Variants in ANKS1B observed in about 807,000 individuals in gnomAD.
ANKS1B encodes ankyrin repeat and sterile alpha motif domain containing 1B, also known as ankyrin repeat and sterile alpha motif domain-containing protein 1B.
In ANKS1B, 36 loss-of-function variants were observed where a neutral mutation model predicts 148.3. The ratio of observed to expected loss-of-function variants is 0.24; its 90% CI spans 0.19 to 0.32. ANKS1B has a LOEUF of 0.32. Among genes scored for constraint, ANKS1B ranks in the 10% least tolerant of loss-of-function variants. ANKS1B has a pLI of 1.00. For missense variants in ANKS1B, 1,157 were observed against 1,542.6 expected (o/e 0.75, Z 4.19); for synonymous variants, 542 against 560.8 (o/e 0.97, Z 0.47).
intron 17 of ANKS1B, among the ~76,000 whole-genome samples, chr12:98,844,562 AGACCAG>A (rs1174774101): frequency 6.6e-6 from 1 of 152,238 alleles, no homozygotes; most frequent in Non-Finnish European, 1.5e-5. Context: ...TGAGGTTGAC[AGACCAG>A]GAGAATGTCA....
At chr12:98,830,923 T>C (rs1961674) in intron 18 of ANKS1B, 11,337 of 145,518 alleles carry the variant, frequency 0.078, 518 homozygotes, top group Non-Finnish European at 0.1. Flanking sequence ...AGGTTCTCTT[T>C]AGTTTCCTAC....
chr12:98,837,782 A>C (rs1269305951), intron 17 of ANKS1B, among the ~76,000 whole-genome samples: 1 of 152,318 alleles, frequency 6.6e-6, no homozygotes, highest in South Asian at 2.1e-4. Flanking sequence ...ATATAAAATT[A>C]AACATGTTTA....
intron 1 of ANKS1B, among the ~76,000 whole-genome samples, chr12:99,920,866 G>A (rs2153797687): frequency 6.6e-6 from 1 of 152,230 alleles, no homozygotes; most frequent in East Asian, 1.9e-4. Context: ...CATGGGTGAG[G>A]ACAATCTTCT....
At chr12:98,773,863 G>C (rs1164388949) in intron 24 of ANKS1B, among the ~76,000 whole-genome samples, 1 of 152,194 alleles carries the variant, frequency 6.6e-6, no homozygotes, top group African/African-American at 2.4e-5. Context: ...ATGGAGGGGA[G>C]CATCTGTCGC....
At chr12:99,598,778 CAG>C (rs1450911115) in intron 9 of ANKS1B, among the ~76,000 whole-genome samples, 1 of 152,066 alleles carries the variant, frequency 6.6e-6, no homozygotes, top group African/African-American at 2.4e-5. Flanking sequence ...ACGGAAATAA[CAG>C]AAACAACTGT....
At chr12:99,641,859 AT>A (rs577948325) in intron 9 of ANKS1B, among the ~76,000 whole-genome samples, 1,570 of 152,234 alleles carry the variant, frequency 0.01, 41 homozygotes, top group African/African-American at 0.036. Flanking sequence ...TATTCCGTCT[AT>A]TTTTTTAATT....
At chr12:99,043,336 T>C (rs534491847) in intron 17 of ANKS1B, among the ~76,000 whole-genome samples, 1 of 152,234 alleles carries the variant, frequency 6.6e-6, no homozygotes, top group South Asian at 2.1e-4. Flanking sequence ...GAATGTAGTG[T>C]TTGCCTGAAT....
At chr12:99,044,122 A>G (rs917823693) in intron 17 of ANKS1B, among the ~76,000 whole-genome samples, 1 of 152,328 alleles carries the variant, frequency 6.6e-6, no homozygotes, top group Non-Finnish European at 1.5e-5. Flanking sequence ...TCTATACTAT[A>G]TAATAATCTA....
At chr12:99,499,971 G>C (rs1419743151) in intron 10 of ANKS1B, among the ~76,000 whole-genome samples, 1 of 151,968 alleles carries the variant, frequency 6.6e-6, no homozygotes, top group African/African-American at 2.4e-5. Flanking sequence ...GCCAGTGCCT[G>C]TCAAGCCAAA....
At chr12:99,778,243 C>A (rs375541794) in intron 6 of ANKS1B, among the ~76,000 whole-genome samples, 1 of 151,782 alleles carries the variant, frequency 6.6e-6, no homozygotes, top group East Asian at 2.0e-4. Flanking sequence ...CGCTGTGGCT[C>A]ATGCGTGTAA....
chr12:99,724,533 G>T (rs1248104030), intron 8 of ANKS1B, among the ~76,000 whole-genome samples: 3 of 152,124 alleles, frequency 2.0e-5, no homozygotes, highest in Non-Finnish European at 4.4e-5. Flanking sequence ...CAATTGACTG[G>T]AGTACCTGAA....
At chr12:99,796,283 A>G (rs1448240111) in intron 4 of ANKS1B, among the ~76,000 whole-genome samples, 1 of 151,994 alleles carries the variant, frequency 6.6e-6, no homozygotes, top group East Asian at 1.9e-4. Context: ...TCAGAATGGC[A>G]TGGAATTTAA....
chr12:99,746,634 A>G (rs1325532840), intron 8 of ANKS1B, among the ~76,000 whole-genome samples: 9 of 152,174 alleles, frequency 5.9e-5, no homozygotes, highest in Non-Finnish European at 1.0e-4. Context: ...AACATTAACT[A>G]GGACAGAGAG....
chr12:99,692,365 G>A (rs1403852174), intron 8 of ANKS1B, among the ~76,000 whole-genome samples: 2 of 152,024 alleles, frequency 1.3e-5, no homozygotes, highest in East Asian at 3.9e-4. Flanking sequence ...AATGGATCAG[G>A]TTGAGGGTAA....
At chr12:99,414,653 G>C (rs972604223) in intron 11 of ANKS1B, among the ~76,000 whole-genome samples, 1 of 152,158 alleles carries the variant, frequency 6.6e-6, no homozygotes, top group South Asian at 2.1e-4. Context: ...GACACAGGGA[G>C]GGAAACATCA....
chr12:99,105,460 A>G (rs144921417), intron 15 of ANKS1B, among the ~76,000 whole-genome samples: 4 of 152,322 alleles, frequency 2.6e-5, no homozygotes, highest in Admixed American at 1.3e-4. Context: ...TGTTCTGCAG[A>G]CAACCCAATG....
At position 99,762,515 on chromosome 12, in the gene ANKS1B, T is replaced by A. The variant is rs145114330; in HGVS notation, c.1128+10407A>T. ...GAAACTGGACCCTTACCTTTCATCATACACAACAATTAAGAAAAGATAGAT... is the reference window on the plus strand; with the variant it reads ...GAAACTGGACCCTTACCTTTCATCAAACACAACAATTAAGAAAAGATAGAT... On this transcript the variant is annotated intron_variant, in intron 8 of 26. Coordinates refer to ENST00000683438, the MANE Select transcript of ANKS1B (RefSeq NM_001352186.2). Among the ~76,000 whole-genome samples the A allele has an allele frequency of 3.9e-3, 598 of 152,170 alleles. 5 individuals carry two copies. Among genetic ancestry groups the A allele is most frequent in the African/African-American group, 0.014 (573 of 41,528 alleles).
At chr12:99,317,184 G>T (rs946929930) in intron 12 of ANKS1B, among the ~76,000 whole-genome samples, 5 of 152,302 alleles carry the variant, frequency 3.3e-5, no homozygotes, top group African/African-American at 1.2e-4. Context: ...CTTTAAAGTA[G>T]TTTTTTCCAA....
rs78952360 is a variant in ANKS1B, at chr12:99,286,967, G to A, written c.1757-40103C>T. 5.3e-5 allele frequency among the ~76,000 whole-genome samples: 8 copies of A among 152,242 alleles called. No homozygotes were observed. In the East Asian group the frequency reaches 1.2e-3, roughly 22 times the overall value. On this transcript the variant is annotated intron_variant, in intron 12 of 26. Transcript: ENST00000683438. Reference sequence around the variant, plus strand: ...CATTTCTTGTCCCACTCTGGGCCAGGGGGGAGCTCACCACCCTGAAGGGAA... The same window carrying A: ...CATTTCTTGTCCCACTCTGGGCCAGAGGGGAGCTCACCACCCTGAAGGGAA...
Sources: gnomAD v4.1 joint callset for allele counts (sites outside exome capture counted in the v4.1 genomes callset) on GRCh38, gnomAD v4.1.1 for gene constraint, MANE v1.5 for transcripts, NCBI Gene and HGNC (gene_info 2026-07-23, HGNC 2026-07-21) for gene names.